Variants in TLL2 observed in about 807,000 individuals in gnomAD.
TLL2 encodes tolloid like 2.
In TLL2, 106 loss-of-function variants were observed where a neutral mutation model predicts 123.0. The observed-to-expected ratio is 0.86, with a 90% CI of 0.74 to 1.01. TLL2 has a LOEUF of 1.01. Ranked by LOEUF, TLL2 falls within the 50% of genes least tolerant of loss-of-function variation. The pLI is 0.00. For missense variants in TLL2, 1,332 were observed against 1,336.7 expected (o/e 1.00, Z 0.06); for synonymous variants, 494 against 516.8 (o/e 0.96, Z 0.60).
At chr10:96,420,810 C>T (rs1047101028) in intron 7 of TLL2, 146 bp downstream of exon 7, 4 of 686,764 alleles carry the variant, frequency 5.8e-6, no homozygotes, top group Non-Finnish European at 1.0e-5. Flanking sequence ...TTCACTGCAG[C>T]GCAGAGGCCA....
At chr10:96,389,872 G>C (rs1332892624) in intron 13 of TLL2, among the ~76,000 whole-genome samples, 1 of 152,258 alleles carries the variant, frequency 6.6e-6, no homozygotes, top group African/African-American at 2.4e-5. Context: ...TGAAAGGCAT[G>C]CTTTTACACC....
At chr10:96,452,549 C>A (rs1334546880) in intron 2 of TLL2, among the ~76,000 whole-genome samples, 1 of 152,164 alleles carries the variant, frequency 6.6e-6, no homozygotes, top group African/African-American at 2.4e-5. Flanking sequence ...GCACAGCAAT[C>A]CCGTAAATAA....
intron 13 of TLL2, among the ~76,000 whole-genome samples, chr10:96,393,904 T>C (rs1846313270): frequency 6.6e-6 from 1 of 152,138 alleles, no homozygotes; most frequent in Admixed American, 6.5e-5. Flanking sequence ...AGCTTTTAAG[T>C]GCCTCCACAG....
intron 3 of TLL2, among the ~76,000 whole-genome samples, chr10:96,445,217 T>C (rs1047063848): frequency 6.6e-6 from 1 of 152,182 alleles, no homozygotes; most frequent in Non-Finnish European, 1.5e-5. Context: ...TTTGCTTTGC[T>C]GTGAAGTTTG....
At chr10:96,370,983 C>G (rs549578553) in intron 19 of TLL2, among the ~76,000 whole-genome samples, 4 of 152,096 alleles carry the variant, frequency 2.6e-5, no homozygotes, top group Non-Finnish European at 4.4e-5. Flanking sequence ...GCCCTGGTCC[C>G]ATATATAGTA....
intron 2 of TLL2, among the ~76,000 whole-genome samples, chr10:96,459,362 C>T (rs1348162423): frequency 2.0e-5 from 3 of 151,928 alleles, no homozygotes; most frequent in Non-Finnish European, 4.4e-5. Flanking sequence ...GATGCAGTTG[C>T]TCACACCTGT....
At chr10:96,404,942 G>A (rs1040851000) in intron 10 of TLL2, among the ~76,000 whole-genome samples, 1 of 152,042 alleles carries the variant, frequency 6.6e-6, no homozygotes, top group African/African-American at 2.4e-5. Context: ...CATTTAAATT[G>A]CTTGCAATTT....
chr10:96,431,237 C>T (rs546978227), intron 4 of TLL2, among the ~76,000 whole-genome samples: 2 of 149,444 alleles, frequency 1.3e-5, no homozygotes, highest in African/African-American at 4.9e-5. Context: ...GAGAACAGAC[C>T]TCCTTGAAGG....
At chr10:96,383,777 C>A (rs377235352) in intron 16 of TLL2, among the ~76,000 whole-genome samples, 20 of 136,492 alleles carry the variant, frequency 1.5e-4, no homozygotes, top group African/African-American at 5.7e-4. Flanking sequence ...CACACCACCA[C>A]GCCCGGCTAA....
At chr10:96,473,931 G>C (rs1445613014) in intron 2 of TLL2, among the ~76,000 whole-genome samples, 1 of 152,116 alleles carries the variant, frequency 6.6e-6, no homozygotes, top group Non-Finnish European at 1.5e-5. Context: ...TCAGGAATGG[G>C]GCTGTCAGGT....
chr10:96,370,157 C>G lies in TLL2; in HGVS notation c.2821G>C (p.Glu941Gln). ...TCGTAGCCGCAGTCGGCCTCCTCCT[C>G]AACCTCAAAGGTCCGGAATGTCAGC... ...VELTFRTFEV[E>Q]EEADCGYDYM... is the part of the protein sequence containing the mutation. Residue 941 changes from glutamate (E) to glutamine (Q), a missense_variant, in exon 20 of 21, where the codon GAG becomes CAG. Glu to Gln is a conservative substitution (Grantham distance 29). Coordinates refer to ENST00000357947, the MANE Select transcript of TLL2 (RefSeq NM_012465.4). 6.2e-7 allele frequency: 1 copy of G among 1,614,140 alleles called. No individual in the cohort carries two copies. Among genetic ancestry groups the G allele is most frequent in the South Asian group, 1.1e-5 (1 of 91,064 alleles).
At chr10:96,405,426 T>G in intron 9 of TLL2, 92 bp from the exon 10 acceptor site, 1 of 1,181,592 alleles carries the variant, frequency 8.5e-7, no homozygotes, top group South Asian at 1.3e-5. Flanking sequence ...CACGTTACCC[T>G]TTAGCATGCA....
chr10:96,408,970 T>C (rs1287215474), intron 9 of TLL2, among the ~76,000 whole-genome samples: 1 of 152,258 alleles, frequency 6.6e-6, no homozygotes, highest in Non-Finnish European at 1.5e-5. Flanking sequence ...CCACATGATA[T>C]GCTAAGGATA....
chr10:96,391,794 T>G (rs1031815964), intron 13 of TLL2, among the ~76,000 whole-genome samples: 2 of 152,226 alleles, frequency 1.3e-5, no homozygotes, highest in African/African-American at 4.8e-5. Context: ...ATGTTGTATA[T>G]TTCTTCTTTT....
At chr10:96,403,950 T>C (rs989865463) in intron 10 of TLL2, among the ~76,000 whole-genome samples, 3 of 148,424 alleles carry the variant, frequency 2.0e-5, no homozygotes, top group Non-Finnish European at 4.5e-5. Flanking sequence ...TACGTGCACA[T>C]CCAGGCATAG....
intron 2 of TLL2, among the ~76,000 whole-genome samples, chr10:96,476,240 A>ATATATATATATATATATTTT: frequency 4.4e-4 from 9 of 20,492 alleles, no homozygotes; most frequent in Non-Finnish European, 7.0e-4. Context: ...ATATATATAT[A>ATATATATATATATATATTTT]TTTTATTTTT....
chr10:96,388,749 C>T (rs1332085139), intron 13 of TLL2, among the ~76,000 whole-genome samples: 5 of 152,172 alleles, frequency 3.3e-5, no homozygotes, highest in African/African-American at 1.2e-4. Context: ...TCCTTCCAGT[C>T]GTCCTTGTCT....
chr10:96,466,039 T>A (rs898185702), intron 2 of TLL2, among the ~76,000 whole-genome samples: 4 of 152,232 alleles, frequency 2.6e-5, no homozygotes, highest in Admixed American at 1.3e-4. Context: ...ACAGGACCTC[T>A]CGCTTGAAGG....
chr10:96,400,751 T>C (rs1846385432), intron 10 of TLL2, among the ~76,000 whole-genome samples: 1 of 152,214 alleles, frequency 6.6e-6, no homozygotes, highest in South Asian at 2.1e-4. Flanking sequence ...AAGACAGTTC[T>C]GCATACAAAA....
Sources: gnomAD v4.1 joint callset for allele counts (sites outside exome capture counted in the v4.1 genomes callset) on GRCh38, gnomAD v4.1.1 for gene constraint, MANE v1.5 for transcripts, NCBI Gene and HGNC (gene_info 2026-07-23, HGNC 2026-07-21) for gene names.